The following SCHIP1 variants were observed in gnomAD, a reference collection of about 807,000 sequenced individuals.
The protein encoded by SCHIP1 is schwannomin interacting protein 1.
In SCHIP1, 8 loss-of-function variants were observed where a neutral mutation model predicts 29.7. The ratio of observed to expected loss-of-function variants is 0.27; its 90% CI spans 0.16 to 0.49. The LOEUF is 0.49. Ranked by LOEUF, SCHIP1 falls within the 20% of genes least tolerant of loss-of-function variation. The probability of loss-of-function intolerance (pLI) is 0.99; values close to 1 mark genes in which losing one functional copy is unlikely to be tolerated. For synonymous variants in SCHIP1, 76 were observed against 94.9 expected, an observed-to-expected ratio of 0.80 and a Z score of 1.16; for missense variants, 193 against 294.6, an observed-to-expected ratio of 0.66 and a Z score of 2.52.
At chr3:159,410,875 A>C in the SCHIP1 span, among the ~76,000 whole-genome samples, 1 of 148,140 alleles carries the variant, frequency 6.8e-6, no homozygotes, top group Non-Finnish European at 1.5e-5. Context: ...AAGCGACATA[A>C]ATGTCCATCA....
the SCHIP1 span, among the ~76,000 whole-genome samples, chr3:159,786,703 G>A: frequency 9.2e-5 from 13 of 141,372 alleles, no homozygotes; most frequent in East Asian, 1.5e-3. Flanking sequence ...GTGTCTGCGC[G>A]TGTGCACTGT....
the SCHIP1 span, among the ~76,000 whole-genome samples, chr3:159,732,060 G>A: frequency 6.6e-6 from 1 of 152,254 alleles, no homozygotes; most frequent in African/African-American, 2.4e-5. Flanking sequence ...TGGCCAGGCT[G>A]GTCCCGAACT....
chr3:159,401,356 G>C, the SCHIP1 span: 1 of 973,262 alleles, frequency 1.0e-6, no homozygotes, highest in Non-Finnish European at 1.2e-6. Flanking sequence ...GTGGGATGTA[G>C]TTCTAATGTA....
At chr3:159,326,496 C>T in the SCHIP1 span, among the ~76,000 whole-genome samples, 1 of 152,080 alleles carries the variant, frequency 6.6e-6, no homozygotes, top group African/African-American at 2.4e-5. Flanking sequence ...TTTTGCATCT[C>T]TGCCCTACCC....
At chr3:159,859,196 T>C (rs1285368974) in intron 1 of SCHIP1, among the ~76,000 whole-genome samples, 1 of 152,254 alleles carries the variant, frequency 6.6e-6, no homozygotes, top group Admixed American at 6.5e-5. Flanking sequence ...CAGCATACAA[T>C]TTCTTTTCTT....
the SCHIP1 span, among the ~76,000 whole-genome samples, chr3:159,318,627 T>G: frequency 1.3e-5 from 2 of 152,018 alleles, no homozygotes; most frequent in Non-Finnish European, 2.9e-5. Flanking sequence ...AATAGGGAAC[T>G]CCCCCTGAGG....
At chr3:159,523,528 T>C in the SCHIP1 span, among the ~76,000 whole-genome samples, 3 of 152,126 alleles carry the variant, frequency 2.0e-5, no homozygotes, top group Non-Finnish European at 4.4e-5. Flanking sequence ...GAAAGAGGAA[T>C]CGATGTCTGA....
the SCHIP1 span, among the ~76,000 whole-genome samples, chr3:159,541,030 G>A: frequency 1.3e-5 from 2 of 152,028 alleles, no homozygotes; most frequent in Non-Finnish European, 2.9e-5. Flanking sequence ...ATACTGCATG[G>A]AAACTCATTA....
intron 1 of SCHIP1, among the ~76,000 whole-genome samples, chr3:159,859,976 G>GGTGTGTGT (rs35639147): frequency 6.7e-6 from 1 of 149,940 alleles, no homozygotes; most frequent in Admixed American, 6.7e-5. Context: ...TGTGTGACAG[G>GGTGTGTGT]GTGTGTGTGT....
chr3:159,325,034 A>T, the SCHIP1 span, among the ~76,000 whole-genome samples: 1 of 152,166 alleles, frequency 6.6e-6, no homozygotes, highest in South Asian at 2.1e-4. Flanking sequence ...AACTGAGACC[A>T]AATAGTGTTC....
At chr3:159,896,671 C>A in intron 6 of SCHIP1, 52 bp from the exon 8 acceptor site, 1 of 1,498,058 alleles carries the variant, frequency 6.7e-7, no homozygotes, top group Non-Finnish European at 8.9e-7. Flanking sequence ...GATTGAAAAG[C>A]AGTTTGGATC....
intron 2 of SCHIP1, among the ~76,000 whole-genome samples, chr3:159,866,803 CTT>C (rs1297483394): frequency 6.6e-6 from 1 of 152,126 alleles, no homozygotes; most frequent in East Asian, 1.9e-4. Context: ...TATCATTACT[CTT>C]TATCATAATT....
chr3:159,682,735 A>G, the SCHIP1 span, among the ~76,000 whole-genome samples: 1 of 152,190 alleles, frequency 6.6e-6, no homozygotes, highest in Non-Finnish European at 1.5e-5. Flanking sequence ...GGTTATTTCT[A>G]CCGACACCTA....
chr3:159,846,297 AG>A (rs1268280676), intron 1 of SCHIP1, among the ~76,000 whole-genome samples: 1 of 152,230 alleles, frequency 6.6e-6, no homozygotes, highest in Non-Finnish European at 1.5e-5. Flanking sequence ...ATAAAATAAA[AG>A]ACACCCTGTG....
At chr3:159,879,971 T>C (rs1044722916) in intron 2 of SCHIP1, among the ~76,000 whole-genome samples, 11 of 152,062 alleles carry the variant, frequency 7.2e-5, no homozygotes, top group Admixed American at 5.9e-4. Flanking sequence ...TGTGAACATG[T>C]ACAGATGGAA....
chr3:159,770,833 A>T, the SCHIP1 span, among the ~76,000 whole-genome samples: 1 of 152,294 alleles, frequency 6.6e-6, no homozygotes, highest in South Asian at 2.1e-4. Context: ...GAGCAAGGAG[A>T]TCACTTGTCA....
the SCHIP1 span, among the ~76,000 whole-genome samples, chr3:159,776,960 A>C: frequency 2.6e-5 from 4 of 152,130 alleles, no homozygotes; most frequent in African/African-American, 9.7e-5. Flanking sequence ...GTGTCCTGGA[A>C]GGTATGTCCC....
chr3:159,571,541 T>C, the SCHIP1 span, among the ~76,000 whole-genome samples: 3 of 152,234 alleles, frequency 2.0e-5, no homozygotes, highest in African/African-American at 7.2e-5. Flanking sequence ...CAGTATTTTA[T>C]TGAGGATTTT....
chr3:159,596,617 C>T, the SCHIP1 span, among the ~76,000 whole-genome samples: 1 of 152,026 alleles, frequency 6.6e-6, no homozygotes. Context: ...TACTATGCAG[C>T]CATAAAAAAG....
Sources: allele counts gnomAD v4.1 joint callset (sites outside exome capture counted in the v4.1 genomes callset), GRCh38; gene constraint gnomAD v4.1.1; transcripts MANE v1.5; gene names NCBI Gene and HGNC (gene_info 2026-07-23, HGNC 2026-07-21).